Variants in UNC80 observed in about 807,000 individuals in gnomAD.
UNC80 encodes protein unc-80 homolog.
Under a neutral mutation model 384.6 loss-of-function variants are expected in UNC80, and 164 were observed. The ratio of observed to expected loss-of-function variants is 0.43; its 90% CI spans 0.38 to 0.49. The LOEUF is 0.49. UNC80 is among the 20% of genes least tolerant of loss of function. The probability of loss-of-function intolerance (pLI) is 0.00; values close to 1 mark genes in which losing one functional copy is unlikely to be tolerated. For synonymous variants in UNC80, 1,486 were observed against 1,527.8 expected, an observed-to-expected ratio of 0.97 and a Z score of 0.64; for missense variants, 3,330 against 4,143.0, an observed-to-expected ratio of 0.80 and a Z score of 5.39.
chr2:209,849,437 C>T lies in UNC80; in HGVS notation c.3455-14C>T, dbSNP rs2082372382. Reference sequence around the variant, plus strand: ...TCTCTCTTTCATTCCTCCACCATGGCACCACCTTTACAGGTTGCCACAGTT... The same window carrying T: ...TCTCTCTTTCATTCCTCCACCATGGTACCACCTTTACAGGTTGCCACAGTT... On this transcript the variant is annotated splice_polypyrimidine_tract_variant and intron_variant, in intron 21 of 64. Coordinates refer to ENST00000673920, the MANE Select transcript of UNC80 (RefSeq NM_001371986.1). 5 of 1,550,382 alleles carry T rather than the reference C, an allele frequency of 3.2e-6. No homozygotes were observed. Among genetic ancestry groups the T allele is most frequent in the South Asian group, 2.4e-5 (2 of 83,994 alleles).
intron 36 of UNC80, 126 bp downstream of exon 36, chr2:209,927,112 A>G (rs1243559772): frequency 1.8e-6 from 2 of 1,088,606 alleles, no homozygotes; most frequent in East Asian, 2.6e-5. Flanking sequence ...CACATATTAT[A>G]ATTACAGATT....
intron 59 of UNC80, among the ~76,000 whole-genome samples, chr2:209,981,297 G>T (rs536881852): frequency 6.6e-6 from 1 of 152,328 alleles, no homozygotes; most frequent in Admixed American, 6.5e-5. Context: ...TCTGCTTCTC[G>T]CTGGGCACGG....
At chr2:209,821,584 A>G (rs1297484645) in intron 13 of UNC80, among the ~76,000 whole-genome samples, 1 of 152,214 alleles carries the variant, frequency 6.6e-6, no homozygotes, top group East Asian at 1.9e-4. Context: ...AGCCTCATTC[A>G]GCCCTCTCAT....
At chr2:209,822,609 T>C (rs1327856377) in intron 13 of UNC80, among the ~76,000 whole-genome samples, 1 of 152,216 alleles carries the variant, frequency 6.6e-6, no homozygotes, top group African/African-American at 2.4e-5. Flanking sequence ...CAGCAAAGCT[T>C]AGATGTTCCA....
chr2:209,818,987 T>C lies in UNC80; in HGVS notation c.1694-6T>C, dbSNP rs560565612. ...GAGAACTAAGACATTGCTTTCATTTTATTAGTGCGATCTCAGATCTCCACC... is the reference window on the plus strand; with the variant it reads ...GAGAACTAAGACATTGCTTTCATTTCATTAGTGCGATCTCAGATCTCCACC... On this transcript the variant is annotated splice_polypyrimidine_tract_variant and splice_region_variant and intron_variant, in intron 11 of 64. Transcript: ENST00000673920. The C allele has an allele frequency of 1.3e-6, 2 of 1,550,504 alleles. No individual in the cohort carries two copies. The highest frequency in any genetic ancestry group is 3.9e-5 in the Admixed American group (2 of 50,964).
In UNC80 at chr2:209,778,079, C is replaced by T. The variant is rs115332885; in HGVS notation, c.600+520C>T. The stretch of plus-strand genomic sequence containing the variant: ...TCCTACCCCCTTTGCATTTTTATAG[C>T]ATCTTGTAACTACCTCTCTTATAAT... On this transcript the variant is annotated intron_variant, in intron 4 of 64. Coordinates refer to ENST00000673920, the MANE Select transcript of UNC80 (RefSeq NM_001371986.1). Among the ~76,000 whole-genome samples, 1,125 of 152,260 alleles carry T rather than the reference C, an allele frequency of 7.4e-3. 20 individuals carry two copies. Among genetic ancestry groups the T allele is most frequent in the African/African-American group, 0.025 (1,054 of 41,540 alleles).
intron 25 of UNC80, among the ~76,000 whole-genome samples, chr2:209,882,304 G>C (rs987516326): frequency 5.3e-5 from 8 of 152,064 alleles, no homozygotes; most frequent in African/African-American, 1.9e-4. Context: ...CATGAGCAAG[G>C]CCGTGTCCCA....
intron 59 of UNC80, 42 bp from the exon 60 acceptor site, chr2:209,982,137 T>C: frequency 2.0e-6 from 3 of 1,536,288 alleles, no homozygotes; most frequent in Non-Finnish European, 2.6e-6. Context: ...TTCTGATCAG[T>C]GTCATAGTTT....
At chr2:209,895,264 A>C (rs371442324) in intron 27 of UNC80, among the ~76,000 whole-genome samples, 1 of 152,240 alleles carries the variant, frequency 6.6e-6, no homozygotes, top group East Asian at 1.9e-4. Flanking sequence ...TCACTTTGCC[A>C]TTCAGTCTCT....
chr2:209,826,512 G>A (rs2080531099), intron 14 of UNC80, among the ~76,000 whole-genome samples: 1 of 152,068 alleles, frequency 6.6e-6, no homozygotes, highest in Admixed American at 6.6e-5. Context: ...GCCCTTATTG[G>A]GACAAAAGAG....
In UNC80 at chr2:209,956,821, G is replaced by A. The variant is rs572380363; in HGVS notation, c.7458-823G>A. ...ACATAATCACTAGAGTAACACCAAC[G>A]GGCAAAGATACTGGGAGCCATCTCT... On this transcript the variant is annotated intron_variant, in intron 48 of 64. Coordinates refer to ENST00000673920, the MANE Select transcript of UNC80 (RefSeq NM_001371986.1). 5.9e-5 allele frequency among the ~76,000 whole-genome samples: 9 copies of A among 152,124 alleles called. No homozygotes were observed. In the East Asian group the frequency reaches 1.2e-3, roughly 20 times the overall value.
chr2:209,853,987 A>G (rs1184492562), intron 22 of UNC80, among the ~76,000 whole-genome samples: 1 of 152,092 alleles, frequency 6.6e-6, no homozygotes, highest in African/African-American at 2.4e-5. Context: ...TCAAGAGTGA[A>G]AGAGTTATCA....
intron 52 of UNC80, chr2:209,968,225 T>C (rs1366730949): frequency 1.3e-5 from 2 of 152,368 alleles, no homozygotes; most frequent in African/African-American, 4.8e-5. Flanking sequence ...GCCTACATAT[T>C]AGCAGATGTT....
At chr2:209,947,919 C>A (rs2091984891) in intron 47 of UNC80, among the ~76,000 whole-genome samples, 1 of 152,120 alleles carries the variant, frequency 6.6e-6, no homozygotes, top group South Asian at 2.1e-4. Context: ...ATCTGTTTAA[C>A]TGAAATAGTA....
chr2:209,895,464 T>G (rs976352976), intron 27 of UNC80, among the ~76,000 whole-genome samples: 15 of 152,250 alleles, frequency 9.9e-5, no homozygotes, highest in African/African-American at 3.6e-4. Flanking sequence ...ATTTATGCAT[T>G]ACTTAAGATT....
At chr2:209,799,087 T>G (rs1032181240) in intron 7 of UNC80, among the ~76,000 whole-genome samples, 55 of 532 alleles carry the variant, frequency 0.1, no homozygotes, top group South Asian at 0.45. Context: ...AAATAAGTGT[T>G]TTTTTTTTTT....
At chr2:209,905,620 T>C (rs1265333458) in intron 29 of UNC80, among the ~76,000 whole-genome samples, 1 of 152,220 alleles carries the variant, frequency 6.6e-6, no homozygotes, top group East Asian at 1.9e-4. Context: ...TGTGTCATTT[T>C]AAGCTATGAA....
At position 209,837,834 on chromosome 2, in the gene UNC80, C is replaced by G. The variant is rs942435716; in HGVS notation, c.3042-1388C>G. On this transcript the variant is annotated intron_variant, in intron 18 of 64. Transcript: ENST00000673920. Reference sequence around the variant, plus strand: ...TCGCCCAGGCCAGAGTGCAGTGGCGCTATCTCGGCTCACTGCAAGCTCCTC... The same window carrying G: ...TCGCCCAGGCCAGAGTGCAGTGGCGGTATCTCGGCTCACTGCAAGCTCCTC... Among the ~76,000 whole-genome samples the G allele has an allele frequency of 4.0e-5, 6 of 151,012 alleles. No homozygotes were observed. The South Asian group carries it at 1.1e-3, about 26-fold the overall frequency.
At chr2:209,796,141 A>G (rs2078139932) in intron 7 of UNC80, 1 of 152,224 alleles carries the variant, frequency 6.6e-6, no homozygotes, top group Non-Finnish European at 1.5e-5. Flanking sequence ...CTCTTGCATC[A>G]GTGTAACCTG....
Sources: gnomAD v4.1 joint callset for allele counts (sites outside exome capture counted in the v4.1 genomes callset) on GRCh38, gnomAD v4.1.1 for gene constraint, MANE v1.5 for transcripts, NCBI Gene and HGNC (gene_info 2026-07-23, HGNC 2026-07-21) for gene names.